The following AGPAT1 variants were observed in gnomAD, a reference collection of about 807,000 sequenced individuals.
The protein encoded by AGPAT1 is 1-acylglycerol-3-phosphate O-acyltransferase 1.
AGPAT1 carries 6 observed loss-of-function variants against 31.2 expected under a neutral mutation model. That is an observed-to-expected ratio of 0.19 (90% CI 0.11 to 0.38). The LOEUF is 0.38. Ranked by LOEUF, AGPAT1 falls within the 10% of genes least tolerant of loss-of-function variation. AGPAT1 has a pLI of 1.00. For synonymous variants in AGPAT1, 139 were observed against 154.0 expected, an observed-to-expected ratio of 0.90 and a Z score of 0.72; for missense variants, 187 against 377.8, an observed-to-expected ratio of 0.49 and a Z score of 4.19.
Position 32,175,997 on chromosome 6 carries a change from G to A in AGPAT1, c.-193C>T. 2.0e-6 allele frequency: 2 copies of A among 985,346 alleles called. No homozygotes were observed. Among genetic ancestry groups the A allele is most frequent in the South Asian group, 4.7e-5 (1 of 21,316 alleles). 61.0% of individuals were successfully genotyped at this position (985,346 alleles called of 1,614,324 possible). ...GGGAGTGGGAGGTTGGGCCCATAGC[G>A]GTAGGAATGGTGGGGGGCTGTCCCC... On this transcript the variant is annotated 5_prime_UTR_variant, in exon 1 of 7. Coordinates refer to ENST00000375107, the MANE Select transcript of AGPAT1 (RefSeq NM_006411.4). This position sits in a 1 kb window ranked among gnomAD's most constrained non-coding sequence, Gnocchi z 4.5.
rs1784792795 is a variant in AGPAT1, at chr6:32,168,875, G to A, written c.*401C>T. ...AATCCATGGACTTTGGAGTGGGGGGGATTTGTTCCAAAGAATGGATGAGTC... is the reference window on the plus strand; with the variant it reads ...AATCCATGGACTTTGGAGTGGGGGGAATTTGTTCCAAAGAATGGATGAGTC... On this transcript the variant is annotated 3_prime_UTR_variant, in exon 7 of 7. Transcript: ENST00000375107. The surrounding 1 kb of genome is among the most constrained non-coding windows in gnomAD (Gnocchi z 4.5). The A allele has an allele frequency of 5.0e-6, 1 of 200,290 alleles. No individual in the cohort carries two copies. Among genetic ancestry groups the A allele is most frequent in the Non-Finnish European group, 1.0e-5 (1 of 98,492 alleles). The allele number at this position is 200,290 out of a possible 1,614,324, so 12.4% of individuals were successfully genotyped here.
Position 32,170,887 on chromosome 6 carries a change from C to T in AGPAT1, c.334+50G>A. ...GGAGAAGATATTCTAGGGAAGGTTT[C>T]AGGAGGGGAGGCATGGCTGGGGGAG... On this transcript the variant is annotated intron_variant, in intron 3 of 6. Coordinates refer to ENST00000375107, the MANE Select transcript of AGPAT1 (RefSeq NM_006411.4). The surrounding 1 kb of genome is among the most constrained non-coding windows in gnomAD (Gnocchi z 7.7). 6.3e-7 allele frequency: 1 copy of T among 1,583,254 alleles called. No homozygotes were observed. The highest frequency in any genetic ancestry group is 8.6e-7 in the Non-Finnish European group (1 of 1,160,500).
In AGPAT1 at chr6:32,171,563, CA is replaced by C; in HGVS notation, c.-9-59del. ...GGTTTCTGGAGGAGAGTGGGGTAGG[CA>C]AGGCACAGAAGGCAGGGCTGGGGGC... On this transcript the variant is annotated intron_variant, in intron 1 of 6. Coordinates refer to ENST00000375107, the MANE Select transcript of AGPAT1 (RefSeq NM_006411.4). The surrounding 1 kb of genome is among the most constrained non-coding windows in gnomAD (Gnocchi z 6.9). The C allele has an allele frequency of 6.5e-7, 1 of 1,532,740 alleles. No homozygotes were observed. The highest frequency in any genetic ancestry group is 8.7e-7 in the Non-Finnish European group (1 of 1,144,232). 94.9% of individuals were successfully genotyped at this position (1,532,740 alleles called of 1,614,324 possible).
rs1784808377 is a variant in AGPAT1, at chr6:32,169,042, G to A, written c.*234C>T. 2 of 568,886 alleles carry A rather than the reference G, an allele frequency of 3.5e-6. No individual in the cohort carries two copies. Among genetic ancestry groups the A allele is most frequent in the Non-Finnish European group, 6.3e-6 (2 of 319,662 alleles). The allele number at this position is 568,886 out of a possible 1,614,324, so 35.2% of individuals were successfully genotyped here. On this transcript the variant is annotated 3_prime_UTR_variant, in exon 7 of 7. Transcript: ENST00000375107. This position sits in a 1 kb window ranked among gnomAD's most constrained non-coding sequence, Gnocchi z 5.9. ...CTGTCCCACAGACAAGACAGTAGGA[G>A]GTGGGGGTCAAGAGTGGAGACTGCA...
Position 32,171,654 on chromosome 6 carries a change from G to A in AGPAT1, c.-9-149C>T. 9.3e-7 allele frequency: 1 copy of A among 1,077,558 alleles called. No individual in the cohort carries two copies. The highest frequency in any genetic ancestry group is 1.3e-6 in the Non-Finnish European group (1 of 758,932). 66.7% of individuals were successfully genotyped at this position (1,077,558 alleles called of 1,614,324 possible). ...CAGGGGTCTCATTGAAACCTTCCCAGGAAGGCTCTCTAGGATGAGGGTGGT... is the reference window on the plus strand; with the variant it reads ...CAGGGGTCTCATTGAAACCTTCCCAAGAAGGCTCTCTAGGATGAGGGTGGT... On this transcript the variant is annotated intron_variant, in intron 1 of 6. Transcript: ENST00000375107. The surrounding 1 kb of genome is among the most constrained non-coding windows in gnomAD (Gnocchi z 6.9).
At position 32,168,239 on chromosome 6, in the gene AGPAT1, T is replaced by G. The variant is rs991853535; in HGVS notation, c.*1037A>C. 20 of 455,786 alleles carry G rather than the reference T, an allele frequency of 4.4e-5. No individual in the cohort carries two copies. Among genetic ancestry groups the G allele is most frequent in the Non-Finnish European group, 6.7e-5 (17 of 255,286 alleles). The allele number at this position is 455,786 out of a possible 1,614,324, so 28.2% of individuals were successfully genotyped here. ...TCTCTCTCTCTTTATTTTCAGTTTT[T>G]TTGCTGTTATCCAGATAATTAATAA... On this transcript the variant is annotated 3_prime_UTR_variant, in exon 7 of 7. Transcript: ENST00000375107. This position sits in a 1 kb window ranked among gnomAD's most constrained non-coding sequence, Gnocchi z 4.5.
Position 32,169,388 on chromosome 6 carries a change from A to G in AGPAT1, c.740T>C (p.Val247Ala). ...CCGGACTCTGTCAGCCAGAGCTGGG[A>G]CGTCATCTGGTGTCAGCCCTTCCGT... The part of the protein sequence containing the change: ...VPTEGLTPDD[V>A]PALADRVRHS... The change falls in exon 7 of 7, where the codon GTC (valine) becomes GCC (alanine). Residue 247 changes from valine (V) to alanine (A), a missense_variant. Val to Ala is a moderately conservative substitution (Grantham distance 64). Coordinates refer to ENST00000375107, the MANE Select transcript of AGPAT1 (RefSeq NM_006411.4). The surrounding 1 kb of genome is among the most constrained non-coding windows in gnomAD (Gnocchi z 5.9). The G allele has an allele frequency of 6.2e-7, 1 of 1,612,852 alleles. No homozygotes were observed.
rs2127408829 is a variant in AGPAT1 at position 32,168,508 on chromosome 6, C to G, written c.*768G>C. On this transcript the variant is annotated 3_prime_UTR_variant, in exon 7 of 7. Coordinates refer to ENST00000375107, the MANE Select transcript of AGPAT1 (RefSeq NM_006411.4). This position sits in a 1 kb window ranked among gnomAD's most constrained non-coding sequence, Gnocchi z 4.5. ...CAGGGGGCAGAAGTGAGTGCAGCACCTGATGTCTGCTTCTTCCCCTTGTGT... is the reference window on the plus strand; with the variant it reads ...CAGGGGGCAGAAGTGAGTGCAGCACGTGATGTCTGCTTCTTCCCCTTGTGT... The G allele has an allele frequency of 6.4e-6, 1 of 155,116 alleles. No individual in the cohort carries two copies. Among genetic ancestry groups the G allele is most frequent in the Non-Finnish European group, 1.4e-5 (1 of 69,918 alleles). 9.6% of individuals were successfully genotyped at this position (155,116 alleles called of 1,614,324 possible). A position where few individuals can be genotyped will look rare whatever the true frequency, so the allele number is the denominator to read the frequency against.
rs1477376263 is a variant in AGPAT1, at chr6:32,170,629, C to T, written c.335-29G>A. On this transcript the variant is annotated intron_variant, in intron 3 of 6. Transcript: ENST00000375107. The surrounding 1 kb of genome is among the most constrained non-coding windows in gnomAD (Gnocchi z 7.7). ...GGGCAGGGTGGGAGTGGGTGAGGAT[C>T]GGGGTGGAGGCAGAGTGTCACAGAA... 1.4e-5 allele frequency: 22 copies of T among 1,606,224 alleles called. No individual in the cohort carries two copies. The highest frequency in any genetic ancestry group is 6.7e-5 in the Admixed American group (4 of 59,994).
rs1356301624 is a variant in AGPAT1, at chr6:32,170,971, A to G, written c.300T>C (p.Val100=). 6.2e-7 allele frequency: 1 copy of G among 1,612,608 alleles called. No individual in the cohort carries two copies. Among genetic ancestry groups the G allele is most frequent in the Non-Finnish European group, 8.5e-7 (1 of 1,179,868 alleles). The change falls in exon 3 of 7, where the codon GTT becomes GTC. Residue 100 remains valine, a synonymous_variant. Transcript: ENST00000375107. This position sits in a 1 kb window ranked among gnomAD's most constrained non-coding sequence, Gnocchi z 7.7. Reference sequence around the variant, plus strand: ...CGAGAGAGCTCTGGTGGTTGGAGACAACAACATAGGGCTGCGAGGGAGGGA... The same window carrying G: ...CGAGAGAGCTCTGGTGGTTGGAGACGACAACATAGGGCTGCGAGGGAGGGA... The part of the protein sequence containing the change: ...HHFPPSQPYV[V]VSNHQSSLDL...
In AGPAT1 at chr6:32,168,446, C is replaced by A. The variant is rs1300601133; in HGVS notation, c.*830G>T. The A allele has an allele frequency of 1.3e-5, 2 of 157,316 alleles. No individual in the cohort carries two copies. The highest frequency in any genetic ancestry group is 2.8e-5 in the Non-Finnish European group (2 of 71,288). The allele number at this position is 157,316 out of a possible 1,614,324, so 9.7% of individuals were successfully genotyped here. On this transcript the variant is annotated 3_prime_UTR_variant, in exon 7 of 7. Transcript: ENST00000375107. This position sits in a 1 kb window ranked among gnomAD's most constrained non-coding sequence, Gnocchi z 4.5. ...AGAAATAAATTAAAAGCCCTCCTAT[C>A]CCCTCCAGCCAGGGTTCGTTCCTTT...
At position 32,172,698 on chromosome 6, in the gene AGPAT1, C is replaced by T. The variant is rs1309245983; in HGVS notation, c.-9-1193G>A. 6.6e-6 allele frequency among the ~76,000 whole-genome samples: 1 copy of T among 152,096 alleles called. No individual in the cohort carries two copies. The highest frequency in any genetic ancestry group is 2.4e-5 in the African/African-American group (1 of 41,392). ...ATATATATACGAACACAGCACACAG[C>T]ATATATGGTGATTGTGACAGAACAC... is the stretch of plus-strand genomic sequence containing the variant. On this transcript the variant is annotated intron_variant, in intron 1 of 6. Transcript: ENST00000375107. The surrounding 1 kb of genome is among the most constrained non-coding windows in gnomAD (Gnocchi z 4.3).
rs767062379 is a variant in AGPAT1 at position 32,171,045 on chromosome 6, T to C, written c.226A>G (p.Ile76Val). 4 of 1,612,542 alleles carry C rather than the reference T, an allele frequency of 2.5e-6. No individual in the cohort carries two copies. The East Asian group carries it at 6.7e-5, about 27-fold the overall frequency. The stretch of plus-strand genomic sequence containing the variant: ...ACTCGGATCCCGTACAGGTATTTGA[T>C]GTGGAGCAGCATTAGACGCAAGATC... ...MKILRLMLLH[I>V]KYLYGIRVEV... The change falls in exon 3 of 7, where the codon ATC becomes GTC. Residue 76 changes from isoleucine (I) to valine (V), a missense_variant. Around this residue, in one of 3 missense-constraint regions of AGPAT1, gnomAD observed 113 missense variants for 283.1 expected, o/e 0.40. Coordinates refer to ENST00000375107, the MANE Select transcript of AGPAT1 (RefSeq NM_006411.4). This position sits in a 1 kb window ranked among gnomAD's most constrained non-coding sequence, Gnocchi z 6.9.
rs1315730497 is a variant in AGPAT1, at chr6:32,173,000, C to T, written c.-9-1495G>A. On this transcript the variant is annotated intron_variant, in intron 1 of 6. Coordinates refer to ENST00000375107, the MANE Select transcript of AGPAT1 (RefSeq NM_006411.4). This position sits in a 1 kb window ranked among gnomAD's most constrained non-coding sequence, Gnocchi z 4.3. ...GGCAAACGAATCCTACTACCCTTTC[C>T]CTTCCTTCTAGTGACACTTTGCGTG... is the stretch of plus-strand genomic sequence containing the variant. The T allele has an allele frequency of 1.3e-5, 2 of 152,192 alleles. No homozygotes were observed. The highest frequency in any genetic ancestry group is 2.4e-5 in the African/African-American group (1 of 41,412). 9.4% of individuals were successfully genotyped at this position (152,192 alleles called of 1,614,324 possible). A position where few individuals can be genotyped will look rare whatever the true frequency, so the allele number is the denominator to read the frequency against.
chr6:32,171,774 C>T lies in AGPAT1; in HGVS notation c.-9-269G>A, dbSNP rs1172578360. The T allele has an allele frequency of 5.2e-6, 3 of 581,176 alleles. No homozygotes were observed. The African/African-American group carries it at 5.6e-5, about 11-fold the overall frequency. 36.0% of individuals were successfully genotyped at this position (581,176 alleles called of 1,614,324 possible). A position where few individuals can be genotyped will look rare whatever the true frequency, so the allele number is the denominator to read the frequency against. The stretch of plus-strand genomic sequence containing the variant: ...ACAAGACACAGACATCTACAATTCA[C>T]AGATACCTGATAATAAATGACAACA... On this transcript the variant is annotated intron_variant, in intron 1 of 6. Coordinates refer to ENST00000375107, the MANE Select transcript of AGPAT1 (RefSeq NM_006411.4). This position sits in a 1 kb window ranked among gnomAD's most constrained non-coding sequence, Gnocchi z 6.9.
chr6:32,177,873 G>A (rs1295263697), upstream of AGPAT1: 2 of 152,310 alleles, frequency 1.3e-5, no homozygotes, highest in Admixed American at 6.5e-5. Flanking sequence ...TGAAGTGCAA[G>A]CCTCGCCAAT....
In AGPAT1 at chr6:32,175,467, T is replaced by C. The variant is rs1785457742; in HGVS notation, c.-10+347A>G. Among the ~76,000 whole-genome samples, 1 of 152,172 alleles carries C rather than the reference T, an allele frequency of 6.6e-6. No individual in the cohort carries two copies. Among genetic ancestry groups the C allele is most frequent in the South Asian group, 2.1e-4 (1 of 4,828 alleles). ...GGTATTCCTAAGAGGCAAATTCTGC[T>C]GGCCTTCTCCCCTCATGACCCTTCA... On this transcript the variant is annotated intron_variant, in intron 1 of 6. Coordinates refer to ENST00000375107, the MANE Select transcript of AGPAT1 (RefSeq NM_006411.4). The surrounding 1 kb of genome is among the most constrained non-coding windows in gnomAD (Gnocchi z 4.5).
Position 32,168,293 on chromosome 6 carries a change from CCT to C in AGPAT1, c.*981_*982del, listed in dbSNP as rs1263663521. The stretch of plus-strand genomic sequence containing the variant: ...CCAACCACGCAAAACTGGGTCCCAC[CCT>C]CTCCTTTTGCTCCCAGCCTACCTCC... On this transcript the variant is annotated 3_prime_UTR_variant, in exon 7 of 7. Transcript: ENST00000375107. This position sits in a 1 kb window ranked among gnomAD's most constrained non-coding sequence, Gnocchi z 4.5. 5 of 310,538 alleles carry C rather than the reference CCT, an allele frequency of 1.6e-5. No homozygotes were observed. Among genetic ancestry groups the C allele is most frequent in the Non-Finnish European group, 3.0e-5 (5 of 166,924 alleles). 19.2% of individuals were successfully genotyped at this position (310,538 alleles called of 1,614,324 possible).
chr6:32,172,199 C>T lies in AGPAT1; in HGVS notation c.-9-694G>A, dbSNP rs1382945142. On this transcript the variant is annotated intron_variant, in intron 1 of 6. Transcript: ENST00000375107. The surrounding 1 kb of genome is among the most constrained non-coding windows in gnomAD (Gnocchi z 4.3). ...TGTTGGCGCATGCCTTTAATCCCAG[C>T]TACTCGGGAGGCTGAGGCAGGAGAA... Among the ~76,000 whole-genome samples the T allele has an allele frequency of 6.6e-6, 1 of 152,026 alleles. No homozygotes were observed. Among genetic ancestry groups the T allele is most frequent in the African/African-American group, 2.4e-5 (1 of 41,392 alleles).
Sources: gnomAD v4.1 joint callset for allele counts (sites outside exome capture counted in the v4.1 genomes callset) on GRCh38, gnomAD v4.1.1 for gene constraint, gnomAD v4.1.1 regional missense constraint, Gnocchi (gnomAD v3.1) non-coding constraint, MANE v1.5 for transcripts, NCBI Gene and HGNC (gene_info 2026-07-23, HGNC 2026-07-21) for gene names.